Variants in PET117 observed in about 807,000 individuals in gnomAD.
The protein encoded by PET117 is protein PET117 homolog, mitochondrial.
A neutral mutation model predicts 9.2 loss-of-function variants in PET117; 10 were observed. The observed-to-expected ratio is 1.09, with a 90% confidence interval of 0.67 to 1.85. PET117 has a LOEUF of 1.85. Among genes scored for constraint, PET117 ranks in the 40% most tolerant of loss-of-function variants. The probability of loss-of-function intolerance (pLI) is 0.00; values close to 1 mark genes in which losing one functional copy is unlikely to be tolerated. For missense variants in PET117, 96 were observed against 98.2 expected (o/e 0.98, Z 0.09); for synonymous variants, 43 against 37.1 (o/e 1.16, Z -0.57).
chr20:18,142,177 T>C, intron 1 of PET117, 31 bp from the exon 2 acceptor site: 1 of 1,531,554 alleles, frequency 6.5e-7, no homozygotes, highest in South Asian at 1.2e-5. Context: ...CTGTTCGGGA[T>C]GTTACTGAAA....
chr20:18,138,863 TAAGG>T (rs1403864884), intron 1 of PET117, among the ~76,000 whole-genome samples: 1 of 152,170 alleles, frequency 6.6e-6, no homozygotes, highest in Non-Finnish European at 1.5e-5. Context: ...AATACAAAGA[TAAGG>T]AAACTCCACT....
At chr20:18,140,015 A>G (rs921914487) in intron 1 of PET117, among the ~76,000 whole-genome samples, 1 of 152,220 alleles carries the variant, frequency 6.6e-6, no homozygotes, top group Non-Finnish European at 1.5e-5. Flanking sequence ...TGAGGGTCAC[A>G]GGAAGGATGT....
chr20:18,142,542 G>T lies in PET117; in HGVS notation c.*185G>T. 1 of 1,504,788 alleles carries T rather than the reference G, an allele frequency of 6.6e-7. No individual in the cohort carries two copies. Among genetic ancestry groups the T allele is most frequent in the East Asian group, 2.4e-5 (1 of 41,816 alleles). 93.2% of individuals were successfully genotyped at this position (1,504,788 alleles called of 1,614,324 possible). On this transcript the variant is annotated 3_prime_UTR_variant, in exon 2 of 2. Transcript: ENST00000432901. The stretch of plus-strand genomic sequence containing the variant: ...CCCTTATATCTGAATAAAGGAGTGT[G>T]GGCAGACACTTTTTGGAAGAGTCTG...
At position 18,142,271 on chromosome 20, in the gene PET117, C is replaced by T. The variant is rs978477902; in HGVS notation, c.160C>T (p.Leu54Phe). 6.5e-7 allele frequency: 1 copy of T among 1,537,122 alleles called. No individual in the cohort carries two copies. Among genetic ancestry groups the T allele is most frequent in the East Asian group, 2.4e-5 (1 of 40,898 alleles). The change falls in exon 2 of 2, where the codon CTT (leucine) becomes TTT (phenylalanine). Residue 54 changes from leucine to phenylalanine, a missense_variant. By Grantham distance (22) the Leu-to-Phe change is conservative. Transcript: ENST00000432901. ...RQIRKKENIR[L>F]LGEQIILTEQ... ...AATTCGGAAAAAAGAAAACATTCGT[C>T]TTTTGGGAGAACAGATTATTTTGAC... is the stretch of plus-strand genomic sequence containing the variant.
chr20:18,141,799 A>G (rs950665585), intron 1 of PET117, among the ~76,000 whole-genome samples: 18 of 152,114 alleles, frequency 1.2e-4, no homozygotes, highest in Non-Finnish European at 2.2e-4. Context: ...CCGGAGAATC[A>G]CTTGAACCCA....
At chr20:18,138,337 C>T (rs2037380646) in intron 1 of PET117, 1 of 1,116,612 alleles carries the variant, frequency 9.0e-7, no homozygotes, top group Admixed American at 5.0e-5. Context: ...TCCGCACAGG[C>T]ACGGCACGCA....
Position 18,142,327 on chromosome 20 carries a change from G to T in PET117, c.216G>T (p.Met72Ile). 6.5e-7 allele frequency: 1 copy of T among 1,536,764 alleles called. No individual in the cohort carries two copies. The highest frequency in any genetic ancestry group is 2.0e-5 in the Admixed American group (1 of 50,932). Residue 72 changes from methionine (M) to isoleucine (I), a missense_variant, in exon 2 of 2, where the codon ATG (methionine) becomes ATT (isoleucine). By Grantham distance (10) the Met-to-Ile change is conservative. Coordinates refer to ENST00000432901, the MANE Select transcript of PET117 (RefSeq NM_001164811.2). ...TEQLEAEREK[M>I]LLAKGSQKS ...AACTTGAAGCAGAAAGAGAGAAGAT[G>T]TTATTGGCAAAAGGATCTCAAAAAT...
chr20:18,138,129 C>G (rs939973808), intron 1 of PET117, 78 bp downstream of exon 1: 5 of 1,382,962 alleles, frequency 3.6e-6, no homozygotes, highest in Non-Finnish European at 2.8e-6. Context: ...TCTGCCCGCT[C>G]GGTTCCTCAG....
At chr20:18,140,462 A>G (rs757130109) in intron 1 of PET117, among the ~76,000 whole-genome samples, 1 of 152,098 alleles carries the variant, frequency 6.6e-6, no homozygotes, top group African/African-American at 2.4e-5. Context: ...CCACAAACAT[A>G]CGCAGGCCCT....
rs760685954 is a variant in PET117 at position 18,142,812 on chromosome 20, C to A, written c.*455C>A. On this transcript the variant is annotated 3_prime_UTR_variant, in exon 2 of 2. Coordinates refer to ENST00000432901, the MANE Select transcript of PET117 (RefSeq NM_001164811.2). Reference sequence around the variant, plus strand: ...GAGGATCAGGCATCAGTGGACTTATCGCACGACCAGAGTGGGGATTCCCTC... The same window carrying A: ...GAGGATCAGGCATCAGTGGACTTATAGCACGACCAGAGTGGGGATTCCCTC... 6.2e-7 allele frequency: 1 copy of A among 1,614,138 alleles called. No homozygotes were observed. The highest frequency in any genetic ancestry group is 8.5e-7 in the Non-Finnish European group (1 of 1,180,026).
At position 18,142,909 on chromosome 20, in the gene PET117, G is replaced by T. The variant is rs2037642284; in HGVS notation, c.*552G>T. On this transcript the variant is annotated 3_prime_UTR_variant, in exon 2 of 2. Transcript: ENST00000432901. ...ACTTCTGTGACAAGTGCCAAAAATGGATACCAGCCAGTAAGGAGCTTCTCA... is the reference window on the plus strand; with the variant it reads ...ACTTCTGTGACAAGTGCCAAAAATGTATACCAGCCAGTAAGGAGCTTCTCA... 6.2e-7 allele frequency: 1 copy of T among 1,613,618 alleles called. No individual in the cohort carries two copies.
At position 18,142,421 on chromosome 20, in the gene PET117, A is replaced by G. The variant is rs1016951472; in HGVS notation, c.*64A>G. 1.3e-6 allele frequency: 2 copies of G among 1,481,706 alleles called. No individual in the cohort carries two copies. The highest frequency in any genetic ancestry group is 2.4e-5 in the Admixed American group (1 of 42,442). 91.8% of individuals were successfully genotyped at this position (1,481,706 alleles called of 1,614,324 possible). ...TTGTGTGTGTGTGTTGATGGAGAGT[A>G]GCTTAGTAGTATCTTCATCTTTTTT... On this transcript the variant is annotated 3_prime_UTR_variant, in exon 2 of 2. Coordinates refer to ENST00000432901, the MANE Select transcript of PET117 (RefSeq NM_001164811.2).
intron 1 of PET117, chr20:18,138,490 C>T (rs1228457536): frequency 1.0e-6 from 1 of 983,128 alleles, no homozygotes; most frequent in African/African-American, 1.7e-5. Context: ...CTACCAGCCT[C>T]CCTCCTGGCC....
Position 18,142,583 on chromosome 20 carries a change from T to G in PET117, c.*226T>G. On this transcript the variant is annotated 3_prime_UTR_variant, in exon 2 of 2. Transcript: ENST00000432901. ...GAAGAGTCTGTCTGGGTGATCCTGG[T>G]AGAAGCCCCATTAGGGTCACTGTCC... 1.9e-6 allele frequency: 3 copies of G among 1,578,456 alleles called. No individual in the cohort carries two copies. Among genetic ancestry groups the G allele is most frequent in the Admixed American group, 1.8e-5 (1 of 56,920 alleles).
At chr20:18,138,104 G>T (rs772700708) in intron 1 of PET117, 53 bp downstream of exon 1, 47 of 1,427,378 alleles carry the variant, frequency 3.3e-5, no homozygotes, top group African/African-American at 6.0e-5. Context: ...CGTCGACCTG[G>T]GGCCTCTCGT....
chr20:18,140,087 C>A (rs2037472085), intron 1 of PET117, among the ~76,000 whole-genome samples: 1 of 152,048 alleles, frequency 6.6e-6, no homozygotes, highest in African/African-American at 2.4e-5. Context: ...GGATGGAGAG[C>A]CAGATCATAA....
chr20:18,141,864 C>T (rs1600213762), intron 1 of PET117, among the ~76,000 whole-genome samples: 1 of 151,912 alleles, frequency 6.6e-6, no homozygotes, highest in Middle Eastern at 3.4e-3. Context: ...CCAGCCTGGG[C>T]GACAGAGCGA....
Position 18,137,969 on chromosome 20 carries a change from C to G in PET117, c.14C>G (p.Ser5Trp). The G allele has an allele frequency of 6.7e-7, 1 of 1,498,208 alleles. No individual in the cohort carries two copies. The highest frequency in any genetic ancestry group is 2.8e-5 in the East Asian group (1 of 35,970). The allele number at this position is 1,498,208 out of a possible 1,614,324, so 92.8% of individuals were successfully genotyped here. ...GCCAGCGTGGGGATGTCTAGGAGCTCGAAGGTGGTGCTGGGCCTCTCGGTG... is the reference window on the plus strand; with the variant it reads ...GCCAGCGTGGGGATGTCTAGGAGCTGGAAGGTGGTGCTGGGCCTCTCGGTG... MSRSSKVVLGLSVLL... is the reference protein window; with the variant it reads MSRSWKVVLGLSVLL... Residue 5 changes from serine (S) to tryptophan (W), a missense_variant, in exon 1 of 2, where the codon TCG becomes TGG. Transcript: ENST00000432901.
At chr20:18,138,789 T>G (rs1452644990) in intron 1 of PET117, among the ~76,000 whole-genome samples, 1 of 152,184 alleles carries the variant, frequency 6.6e-6, no homozygotes, top group African/African-American at 2.4e-5. Flanking sequence ...TTCTTTCTTA[T>G]TCAAGTTGAC....
Sources: allele counts gnomAD v4.1 joint callset (sites outside exome capture counted in the v4.1 genomes callset), GRCh38; gene constraint gnomAD v4.1.1; transcripts MANE v1.5; gene names NCBI Gene and HGNC (gene_info 2026-07-23, HGNC 2026-07-21).